The following OR9A4 variants were observed in gnomAD, a reference collection of about 807,000 sequenced individuals.
OR9A4 encodes the protein olfactory receptor 9A4.
OR9A4 carries 16 observed loss-of-function variants against 17.1 expected under a neutral mutation model. The ratio of observed to expected loss-of-function variants is 0.94; its 90% CI spans 0.64 to 1.43. The LOEUF (loss-of-function observed/expected upper bound fraction) is 1.43. Among genes scored for constraint, OR9A4 ranks in the 40% most tolerant of loss-of-function variants. OR9A4 has a pLI of 0.00. For synonymous variants in OR9A4, 167 were observed against 143.3 expected (o/e 1.17, Z -1.18); for missense variants, 392 against 382.1 (o/e 1.03, Z -0.22).
rs1554439055 is a variant in OR9A4, at chr7:141,919,213, C to G, written c.338C>G (p.Ala113Gly). The G allele has an allele frequency of 1.2e-5, 19 of 1,614,088 alleles. No homozygotes were observed. The highest frequency in any genetic ancestry group is 1.5e-5 in the Non-Finnish European group (18 of 1,180,028). Residue 113 changes from alanine (A) to glycine (G), a missense_variant, in exon 2 of 2, where the codon GCA becomes GGA. Transcript: ENST00000641559. ...LYLAVGTTEF[A>G]LLGAMAVDRY... is the part of the protein sequence containing the mutation. ...CTTGCTGTGGGGACAACAGAGTTCG[C>G]ATTACTTGGAGCAATGGCTGTGGAC...
rs782507102 is a variant in OR9A4 at position 141,919,987 on chromosome 7, T to C, written c.*167T>C. On this transcript the variant is annotated 3_prime_UTR_variant, in exon 2 of 2. Transcript: ENST00000641559. ...CAGCTACGGTTTTTAGTATGCTTAG[T>C]TGTTACTTGAAACTCAGTCTATTAT... 8 of 559,026 alleles carry C rather than the reference T, an allele frequency of 1.4e-5. No homozygotes were observed. Among genetic ancestry groups the C allele is most frequent in the Non-Finnish European group, 2.1e-5 (7 of 325,938 alleles). 34.6% of individuals were successfully genotyped at this position (559,026 alleles called of 1,614,324 possible). A position where few individuals can be genotyped will look rare whatever the true frequency, so the allele number is the denominator to read the frequency against.
chr7:141,919,039 A>C lies in OR9A4; in HGVS notation c.164A>C (p.Gln55Pro). 1 of 1,614,206 alleles carries C rather than the reference A, an allele frequency of 6.2e-7. No individual in the cohort carries two copies. Among genetic ancestry groups the C allele is most frequent in the Non-Finnish European group, 8.5e-7 (1 of 1,180,042 alleles). Reference protein sequence around the residue: ...IMIVCVDKRLQSPMYFFLGHL... With the variant: ...IMIVCVDKRLPSPMYFFLGHL... ...ATTGTCTGTGTGGATAAACGTCTGC[A>C]GTCCCCCATGTATTTCTTCCTCGGC... The change falls in exon 2 of 2, where the codon CAG (glutamine) becomes CCG (proline). Residue 55 changes from glutamine (Q) to proline (P), a missense_variant. Transcript: ENST00000641559.
Position 141,919,424 on chromosome 7 carries a change from A to C in OR9A4, c.549A>C (p.Gln183His). Residue 183 changes from glutamine to histidine, a missense_variant, in exon 2 of 2, where the codon CAA (glutamine) becomes CAC (histidine). Transcript: ENST00000641559. ...VVNNFFCDRG[Q>H]LLKLSCNNTL... The stretch of plus-strand genomic sequence containing the variant: ...ACAATTTTTTTTGTGACCGAGGGCA[A>C]TTGCTCAAACTATCCTGCAATAATA... 6.2e-7 allele frequency: 1 copy of C among 1,614,110 alleles called. No individual in the cohort carries two copies. The highest frequency in any genetic ancestry group is 8.5e-7 in the Non-Finnish European group (1 of 1,180,028).
At chr7:141,918,552 C>G (rs1213168344) in intron 1 of OR9A4, among the ~76,000 whole-genome samples, 1 of 152,028 alleles carries the variant, frequency 6.6e-6, no homozygotes, top group East Asian at 1.9e-4. Flanking sequence ...ACAGGGTGGC[C>G]GGTGAGAGCA....
rs868976014 is a variant in OR9A4 at position 141,919,318 on chromosome 7, C to A, written c.443C>A (p.Ser148Ter). The change falls in exon 2 of 2, where the codon TCA becomes TAA. Residue 148 changes from serine to a stop codon, truncating the protein, a stop_gained. Transcript: ENST00000641559. LOFTEE classifies it high-confidence loss of function. ...RHTCNFVVLV[S>*]WVFGFLFQIW... ...ACCTGCAACTTTGTGGTTCTTGTGT[C>A]ATGGGTGTTTGGGTTTCTTTTTCAA... 1.9e-6 allele frequency: 3 copies of A among 1,614,138 alleles called. No individual in the cohort carries two copies. In the South Asian group the frequency reaches 3.3e-5, roughly 18 times the overall value.
chr7:141,917,300 T>C (rs1395608869), intron 1 of OR9A4, among the ~76,000 whole-genome samples: 2 of 152,132 alleles, frequency 1.3e-5, no homozygotes, highest in Non-Finnish European at 2.9e-5. Context: ...GAGGAAGGTG[T>C]GCCTGTATTG....
intron 1 of OR9A4, among the ~76,000 whole-genome samples, chr7:141,918,099 T>TAACC (rs1802214705): frequency 6.6e-6 from 1 of 152,178 alleles, no homozygotes; most frequent in African/African-American, 2.4e-5. Flanking sequence ...AAGAAAAAAG[T>TAACC]AACCATGCCT....
At chr7:141,917,692 T>C (rs1554438879) in intron 1 of OR9A4, among the ~76,000 whole-genome samples, 2 of 152,136 alleles carry the variant, frequency 1.3e-5, no homozygotes, top group East Asian at 3.9e-4. Flanking sequence ...TGTTGGGAGT[T>C]GAGAATTAAA....
At chr7:141,917,107 TG>T (rs1370699843) in intron 1 of OR9A4, among the ~76,000 whole-genome samples, 1 of 152,206 alleles carries the variant, frequency 6.6e-6, no homozygotes, top group African/African-American at 2.4e-5. Flanking sequence ...TGTCAGACTC[TG>T]TTCTTGGCAC....
chr7:141,918,981 G>A lies in OR9A4; in HGVS notation c.106G>A (p.Val36Met). 1 of 1,613,984 alleles carries A rather than the reference G, an allele frequency of 6.2e-7. No individual in the cohort carries two copies. Among genetic ancestry groups the A allele is most frequent in the Non-Finnish European group, 8.5e-7 (1 of 1,180,012 alleles). ...TGCTATATTCTTCTTTTTCTACTTGGTGACATTAATGGGAAACACAGTCAT... is the reference window on the plus strand; with the variant it reads ...TGCTATATTCTTCTTTTTCTACTTGATGACATTAATGGGAAACACAGTCAT... ...LFAIFFFFYL[V>M]TLMGNTVIIM... Residue 36 changes from valine (V) to methionine (M), a missense_variant, in exon 2 of 2, where the codon GTG (valine) becomes ATG (methionine). Coordinates refer to ENST00000641559, the MANE Select transcript of OR9A4 (RefSeq NM_001001656.3).
chr7:141,919,750 T>C lies in OR9A4; in HGVS notation c.875T>C (p.Leu292Pro), dbSNP rs868919458. ...TPFLNPFIFT[L>P]RNDKVIEALR... The stretch of plus-strand genomic sequence containing the variant: ...TTCCTCAATCCTTTCATCTTCACCC[T>C]CCGGAATGATAAAGTCATAGAGGCC... Residue 292 changes from leucine to proline, a missense_variant, in exon 2 of 2, where the codon CTC becomes CCC. Physicochemically the swap from Leu to Pro is moderately conservative, Grantham distance 98 (BLOSUM62 -3). Transcript: ENST00000641559. 1 of 1,614,124 alleles carries C rather than the reference T, an allele frequency of 6.2e-7. No individual in the cohort carries two copies. The highest frequency in any genetic ancestry group is 1.3e-5 in the African/African-American group (1 of 75,038).
intron 1 of OR9A4, among the ~76,000 whole-genome samples, chr7:141,918,544 AG>A (rs1802222938): frequency 6.6e-6 from 1 of 152,250 alleles, no homozygotes; most frequent in South Asian, 2.1e-4. Context: ...GGAAGCAGAC[AG>A]GGTGGCCGGT....
At position 141,919,149 on chromosome 7, in the gene OR9A4, A is replaced by C. The variant is rs782326808; in HGVS notation, c.274A>C (p.Ile92Leu). 2 of 1,614,074 alleles carry C rather than the reference A, an allele frequency of 1.2e-6. No homozygotes were observed. Among genetic ancestry groups the C allele is most frequent in the Non-Finnish European group, 1.7e-6 (2 of 1,180,014 alleles). ...ATTGCTGCTCCCTGGGATGCAGACA[A>C]TATATTTGTCTGCCTGTGTTGTCCA... Reference protein sequence around the residue: ...WGLLLPGMQTIYLSACVVQLF... With the variant: ...WGLLLPGMQTLYLSACVVQLF... The change falls in exon 2 of 2, where the codon ATA becomes CTA. Residue 92 changes from isoleucine to leucine, a missense_variant. Transcript: ENST00000641559.
rs1563069993 is a variant in OR9A4, at chr7:141,919,483, C to G, written c.608C>G (p.Ala203Gly). Residue 203 changes from alanine to glycine, a missense_variant, in exon 2 of 2, where the codon GCT (alanine) becomes GGT (glycine). Coordinates refer to ENST00000641559, the MANE Select transcript of OR9A4 (RefSeq NM_001001656.3). ...LFTEFILFLM[A>G]VFVLFGSLIP... ...ACGGAGTTTATCCTCTTCTTAATGGCTGTTTTTGTTCTCTTTGGTTCTTTG... is the reference window on the plus strand; with the variant it reads ...ACGGAGTTTATCCTCTTCTTAATGGGTGTTTTTGTTCTCTTTGGTTCTTTG... The G allele has an allele frequency of 1.9e-6, 3 of 1,614,128 alleles. No individual in the cohort carries two copies. Among genetic ancestry groups the G allele is most frequent in the Non-Finnish European group, 2.5e-6 (3 of 1,180,014 alleles).
At position 141,919,862 on chromosome 7, in the gene OR9A4, G is replaced by C; in HGVS notation, c.*42G>C. ...TTTACATGGTAAAGCACTTAGTATGGATTCTAGAATAATCTGAAAAGAACT... is the reference window on the plus strand; with the variant it reads ...TTTACATGGTAAAGCACTTAGTATGCATTCTAGAATAATCTGAAAAGAACT... On this transcript the variant is annotated 3_prime_UTR_variant, in exon 2 of 2. Coordinates refer to ENST00000641559, the MANE Select transcript of OR9A4 (RefSeq NM_001001656.3). 2 of 1,416,632 alleles carry C rather than the reference G, an allele frequency of 1.4e-6. No homozygotes were observed. The highest frequency in any genetic ancestry group is 1.9e-6 in the Non-Finnish European group (2 of 1,033,500). 87.8% of individuals were successfully genotyped at this position (1,416,632 alleles called of 1,614,324 possible).
Position 141,920,575 on chromosome 7 carries a change from A to T in OR9A4, c.*755A>T, listed in dbSNP as rs1169438363. ...CAGAGGAGAAAGCAATGGCAGTCAG[A>T]GTGGTAACTGGAATGCAGACCATGT... On this transcript the variant is annotated 3_prime_UTR_variant, in exon 2 of 2. Coordinates refer to ENST00000641559, the MANE Select transcript of OR9A4 (RefSeq NM_001001656.3). The T allele has an allele frequency of 6.7e-6, 1 of 150,322 alleles. No individual in the cohort carries two copies. Among genetic ancestry groups the T allele is most frequent in the Non-Finnish European group, 1.5e-5 (1 of 67,612 alleles). 9.3% of individuals were successfully genotyped at this position (150,322 alleles called of 1,614,324 possible). A position where few individuals can be genotyped will look rare whatever the true frequency, so the allele number is the denominator to read the frequency against.
Position 141,919,760 on chromosome 7 carries a change from TAA to T in OR9A4, c.887_888del (p.Lys296SerfsTer23), listed in dbSNP as rs781906688. The T allele has an allele frequency of 6.2e-6, 10 of 1,614,200 alleles. No homozygotes were observed. The Admixed American group carries it at 1.7e-4, about 27-fold the overall frequency. On this transcript the variant is annotated frameshift_variant, in exon 2 of 2. Transcript: ENST00000641559. LOFTEE classifies it high-confidence loss of function. Reference protein sequence around the residue: ...NPFIFTLRNDKVIEALRDGVK... With the variant: ...NPFIFTLRNDXVIEALRDGVK... ...CTTTCATCTTCACCCTCCGGAATGA[TAA>T]AGTCATAGAGGCCCTTCGGGATGGG...
In OR9A4 at chr7:141,920,015, T is replaced by TTAAA. The variant is rs1554439206; in HGVS notation, c.*198_*199insATAA. On this transcript the variant is annotated 3_prime_UTR_variant, in exon 2 of 2. Coordinates refer to ENST00000641559, the MANE Select transcript of OR9A4 (RefSeq NM_001001656.3). ...TTACTTGAAACTCAGTCTATTATTTTTAAGACATGTCTTGCTATCTAGCTA... is the reference window on the plus strand; with the variant it reads ...TTACTTGAAACTCAGTCTATTATTTTTAAATAAGACATGTCTTGCTATCTAGCTA... The TTAAA allele has an allele frequency of 1.2e-5, 6 of 507,294 alleles. No homozygotes were observed. The highest frequency in any genetic ancestry group is 2.1e-5 in the Non-Finnish European group (6 of 289,640). 31.4% of individuals were successfully genotyped at this position (507,294 alleles called of 1,614,324 possible).
intron 1 of OR9A4, among the ~76,000 whole-genome samples, chr7:141,917,276 TA>T (rs1802200457): frequency 6.6e-6 from 1 of 152,174 alleles, no homozygotes; most frequent in South Asian, 2.1e-4. Flanking sequence ...AAATGTAGCC[TA>T]ACACAGGTTT....
Sources: allele counts gnomAD v4.1 joint callset (sites outside exome capture counted in the v4.1 genomes callset), GRCh38; gene constraint gnomAD v4.1.1; transcripts MANE v1.5; gene names NCBI Gene and HGNC (gene_info 2026-07-23, HGNC 2026-07-21).